Variants in PTPRG observed in about 807,000 individuals in gnomAD.
PTPRG encodes the protein receptor-type tyrosine-protein phosphatase gamma.
Under a neutral mutation model 165.3 loss-of-function variants are expected in PTPRG, and 102 were observed. The observed-to-expected ratio is 0.62, with a 90% CI of 0.53 to 0.73. PTPRG has a LOEUF of 0.73. Among genes scored for constraint, PTPRG ranks in the 30% least tolerant of loss-of-function variants. The pLI is 0.00. For missense variants in PTPRG, 1,866 were observed against 1,861.4 expected (o/e 1.00, Z -0.05); for synonymous variants, 675 against 669.5 (o/e 1.01, Z -0.13).
intron 2 of PTPRG, among the ~76,000 whole-genome samples, chr3:61,861,749 G>A (rs1289620233): frequency 6.6e-6 from 1 of 152,174 alleles, no homozygotes; most frequent in Non-Finnish European, 1.5e-5. Flanking sequence ...TTCTTCAACT[G>A]GCATGGGGGC....
intron 17 of PTPRG, among the ~76,000 whole-genome samples, chr3:62,265,108 C>T (rs1472923773): frequency 6.6e-6 from 1 of 152,166 alleles, no homozygotes; most frequent in East Asian, 1.9e-4. Flanking sequence ...AATGTCTAAT[C>T]AGATCCTTTA....
intron 8 of PTPRG, among the ~76,000 whole-genome samples, chr3:62,189,050 C>A (rs950477215): frequency 2.0e-5 from 3 of 152,086 alleles, no homozygotes; most frequent in African/African-American, 7.2e-5. Context: ...TTCTGTCACT[C>A]CGCCCTCATG....
At position 61,646,803 on chromosome 3, in the gene PTPRG, C is replaced by G. The variant is rs116133918; in HGVS notation, c.85+84431C>G. On this transcript the variant is annotated intron_variant, in intron 1 of 29. Coordinates refer to ENST00000474889, the MANE Select transcript of PTPRG (RefSeq NM_002841.4). ...TATGCTACCCCTTGATAGCCACCCC[C>G]ACATCCCTAACCTCTAGCAATTACT... 6.8e-3 allele frequency among the ~76,000 whole-genome samples: 1,040 copies of G among 152,276 alleles called. 12 individuals carry two copies. Among genetic ancestry groups the G allele is most frequent in the African/African-American group, 0.022 (900 of 41,554 alleles).
At chr3:62,204,292 A>T (rs1167504234) in intron 12 of PTPRG, among the ~76,000 whole-genome samples, 1 of 152,336 alleles carries the variant, frequency 6.6e-6, no homozygotes. Context: ...CATATTCATT[A>T]TATAATGTAT....
intron 2 of PTPRG, among the ~76,000 whole-genome samples, chr3:61,891,981 A>G (rs1023992811): frequency 6.6e-6 from 1 of 152,058 alleles, no homozygotes; most frequent in Non-Finnish European, 1.5e-5. Context: ...AAATAATTTT[A>G]TAGCTGCCTT....
rs1576144076 is a variant in PTPRG, at chr3:62,214,516, C to A, written c.2156-4335C>A. 6.6e-6 allele frequency among the ~76,000 whole-genome samples: 1 copy of A among 152,172 alleles called. No homozygotes were observed. The highest frequency in any genetic ancestry group is 1.5e-5 in the Non-Finnish European group (1 of 68,026). ...GCACAACGAGGTTAGGTTAGTTGCC[C>A]AAAGTTGCAAAGCTAGTAGGAGGCA... On this transcript the variant is annotated intron_variant, in intron 12 of 29. Transcript: ENST00000474889. The surrounding 1 kb of genome is among the most constrained non-coding windows in gnomAD (Gnocchi z 5.2).
Position 61,759,494 on chromosome 3 carries a change from A to G in PTPRG, c.190+10512A>G, listed in dbSNP as rs561481011. On this transcript the variant is annotated intron_variant, in intron 2 of 29. Transcript: ENST00000474889. ...ACAAAGTGAGGACCTGTCTCTACAA[A>G]AAAATTAAAAAATTAGCTGGGCATG... Among the ~76,000 whole-genome samples the G allele has an allele frequency of 3.3e-5, 5 of 152,128 alleles. No homozygotes were observed. The East Asian group carries it at 7.7e-4, about 24-fold the overall frequency.
chr3:62,112,240 G>A (rs765283669), intron 5 of PTPRG, among the ~76,000 whole-genome samples: 6 of 152,090 alleles, frequency 3.9e-5, no homozygotes, highest in Non-Finnish European at 8.8e-5. Context: ...GAGTAGCTGG[G>A]ATTACAGGCA....
intron 4 of PTPRG, among the ~76,000 whole-genome samples, chr3:62,064,908 T>G (rs116136456): frequency 6.6e-6 from 1 of 151,912 alleles, no homozygotes; most frequent in Admixed American, 6.6e-5. Context: ...ATTTTTTGTA[T>G]TTTTTAGTAA....
At chr3:62,089,812 A>G (rs1701871261) in intron 5 of PTPRG, among the ~76,000 whole-genome samples, 1 of 152,196 alleles carries the variant, frequency 6.6e-6, no homozygotes, top group Non-Finnish European at 1.5e-5. Flanking sequence ...AAATGATAGA[A>G]GAGAGCTAAC....
At chr3:61,672,790 AGGGAGAGAGG>A (rs1671987686) in intron 1 of PTPRG, among the ~76,000 whole-genome samples, 5 of 128,302 alleles carry the variant, frequency 3.9e-5, no homozygotes, top group Admixed American at 1.5e-4. Context: ...AGGGAGAGAG[AGGGAGAGAGG>A]GGGAGAGAGA....
At chr3:61,565,089 T>C (rs1699874478) in intron 1 of PTPRG, among the ~76,000 whole-genome samples, 1 of 152,252 alleles carries the variant, frequency 6.6e-6, no homozygotes, top group African/African-American at 2.4e-5. Context: ...TAACTCAGCA[T>C]AACTCTTCAG....
chr3:61,582,407 C>T (rs1217634564), intron 1 of PTPRG, among the ~76,000 whole-genome samples: 1 of 152,136 alleles, frequency 6.6e-6, no homozygotes, highest in Non-Finnish European at 1.5e-5. Flanking sequence ...CTGTCCAGTA[C>T]ATTCTTTTTC....
At chr3:61,956,743 A>G (rs1055968583) in intron 2 of PTPRG, among the ~76,000 whole-genome samples, 1 of 152,228 alleles carries the variant, frequency 6.6e-6, no homozygotes, top group Non-Finnish European at 1.5e-5. Flanking sequence ...GCTGGCAATG[A>G]TCAAGTACAA....
rs1317247622 is a variant in PTPRG at position 62,233,908 on chromosome 3, TAAAA to T, written c.2375+2600_2375+2603del. Among the ~76,000 whole-genome samples, 2 of 152,114 alleles carry T rather than the reference TAAAA, an allele frequency of 1.3e-5. No individual in the cohort carries two copies. The highest frequency in any genetic ancestry group is 2.9e-5 in the Non-Finnish European group (2 of 68,016). On this transcript the variant is annotated intron_variant, in intron 14 of 29. Transcript: ENST00000474889. This position sits in a 1 kb window ranked among gnomAD's most constrained non-coding sequence, Gnocchi z 4.7. ...AAGTAATACTTGACATGATTCAAAA[TAAAA>T]AAGTTTAAAATTATATGCACCACTA...
chr3:61,789,618 C>G (rs991620640), intron 2 of PTPRG, among the ~76,000 whole-genome samples: 4 of 152,162 alleles, frequency 2.6e-5, no homozygotes, highest in Non-Finnish European at 5.9e-5. Context: ...GCATTCAGTA[C>G]TTTATATGGA....
chr3:61,567,443 G>A (rs146385811), intron 1 of PTPRG, among the ~76,000 whole-genome samples: 3 of 152,228 alleles, frequency 2.0e-5, no homozygotes, highest in African/African-American at 4.8e-5. Context: ...TTTGGGAGGC[G>A]GGAGGGTCAC....
At position 61,920,039 on chromosome 3, in the gene PTPRG, A is replaced by C. The variant is rs78347850; in HGVS notation, c.191-69586A>C. Among the ~76,000 whole-genome samples, 44 of 152,348 alleles carry C rather than the reference A, an allele frequency of 2.9e-4. No homozygotes were observed. In the East Asian group the frequency reaches 7.9e-3, roughly 27 times the overall value. Reference sequence around the variant, plus strand: ...TGATTTCTTACCCATAACCAGCTACAGAAGTGCTTGTGACATACTATTGTG... The same window carrying C: ...TGATTTCTTACCCATAACCAGCTACCGAAGTGCTTGTGACATACTATTGTG... On this transcript the variant is annotated intron_variant, in intron 2 of 29. Coordinates refer to ENST00000474889, the MANE Select transcript of PTPRG (RefSeq NM_002841.4).
At chr3:61,838,306 C>T (rs1055341289) in intron 2 of PTPRG, among the ~76,000 whole-genome samples, 7 of 152,106 alleles carry the variant, frequency 4.6e-5, no homozygotes, top group African/African-American at 1.7e-4. Context: ...AAATAATTAA[C>T]CCTAGAAGTT....
Sources: gnomAD v4.1 joint callset for allele counts (sites outside exome capture counted in the v4.1 genomes callset) on GRCh38, gnomAD v4.1.1 for gene constraint, Gnocchi (gnomAD v3.1) non-coding constraint, MANE v1.5 for transcripts, NCBI Gene and HGNC (gene_info 2026-07-23, HGNC 2026-07-21) for gene names.